The following SGSM1 variants were observed in gnomAD, a reference collection of about 807,000 sequenced individuals.
SGSM1 encodes the protein small G protein signaling modulator 1.
Under a neutral mutation model 133.8 loss-of-function variants are expected in SGSM1, and 73 were observed. The ratio of observed to expected loss-of-function variants is 0.55; its 90% CI spans 0.45 to 0.66. The LOEUF (loss-of-function observed/expected upper bound fraction) is 0.66. Among genes scored for constraint, SGSM1 ranks in the 30% least tolerant of loss-of-function variants. The pLI is 0.00. For missense variants in SGSM1, 1,213 were observed against 1,448.1 expected (o/e 0.84, Z 2.64); for synonymous variants, 563 against 573.0 (o/e 0.98, Z 0.25).
intron 2 of SGSM1, among the ~76,000 whole-genome samples, chr22:24,834,240 G>A (rs1250849468): frequency 6.6e-6 from 1 of 152,226 alleles, no homozygotes; most frequent in African/African-American, 2.4e-5. Flanking sequence ...CCCGACTGCA[G>A]ACCACCTAAG....
intron 5 of SGSM1, 37 bp downstream of exon 5, chr22:24,850,469 C>T (rs1249332822): frequency 1.9e-6 from 3 of 1,598,424 alleles, no homozygotes; most frequent in Non-Finnish European, 2.6e-6. Flanking sequence ...CCATGCTCTG[C>T]CCCCACCTGC....
At chr22:24,857,501 T>C (rs1242687434) in intron 8 of SGSM1, among the ~76,000 whole-genome samples, 1 of 152,200 alleles carries the variant, frequency 6.6e-6, no homozygotes, top group Admixed American at 6.5e-5. Context: ...TAGCTTATGC[T>C]TTTTGAAAGA....
chr22:24,857,408 A>C (rs1930865617), intron 8 of SGSM1, among the ~76,000 whole-genome samples: 1 of 542 alleles, frequency 1.8e-3, no homozygotes, highest in Non-Finnish European at 3.2e-3. Context: ...ACTCTGTCTC[A>C]AAAAAAAAAA....
intron 18 of SGSM1, among the ~76,000 whole-genome samples, chr22:24,896,383 C>T (rs1932914235): frequency 6.6e-6 from 1 of 151,870 alleles, no homozygotes; most frequent in African/African-American, 2.4e-5. Context: ...TGAAACTAAC[C>T]ATAAATCAAG....
At chr22:24,892,379 C>T (rs763307948) in intron 16 of SGSM1, among the ~76,000 whole-genome samples, 3 of 152,156 alleles carry the variant, frequency 2.0e-5, no homozygotes, top group African/African-American at 7.2e-5. Context: ...GTCTGGCAGA[C>T]GCAGAGCCTG....
chr22:24,877,802 CTTTTTTTTTTTTT>C (rs36036968), intron 13 of SGSM1, among the ~76,000 whole-genome samples: 2 of 75,420 alleles, frequency 2.7e-5, no homozygotes, highest in African/African-American at 5.3e-5. Context: ...TTCTTTCTTT[CTTTTTTTTTTTTT>C]TTTTTTTTTT....
At chr22:24,920,752 T>G (rs1422682180) in intron 24 of SGSM1, among the ~76,000 whole-genome samples, 1 of 152,244 alleles carries the variant, frequency 6.6e-6, no homozygotes, top group Non-Finnish European at 1.5e-5. Context: ...GTAAACTTTT[T>G]GGGGGAATAA....
At chr22:24,855,933 C>A in intron 8 of SGSM1, 1 of 663,834 alleles carries the variant, frequency 1.5e-6, no homozygotes, top group Non-Finnish European at 2.7e-6. Context: ...ATCCACCCAT[C>A]TTTACATCCA....
At chr22:24,896,427 C>T (rs1367147080) in intron 18 of SGSM1, among the ~76,000 whole-genome samples, 2 of 152,136 alleles carry the variant, frequency 1.3e-5, no homozygotes, top group East Asian at 3.9e-4. Context: ...AGAAATATTT[C>T]AGGTGACTTT....
At position 24,806,262 on chromosome 22, in the gene SGSM1, G is replaced by A. The variant is rs986202084; in HGVS notation, c.-64G>A. On this transcript the variant is annotated 5_prime_UTR_variant, in exon 1 of 25. Coordinates refer to ENST00000400358, the MANE Select transcript of SGSM1 (RefSeq NM_001098497.3). ...CGGCTGCAGCAGCAGCGCCGCGGCC[G>A]GAGGAGCTACCGCCGCCACCGCCGC... 7.3e-6 allele frequency: 10 copies of A among 1,367,748 alleles called. No individual in the cohort carries two copies. Among genetic ancestry groups the A allele is most frequent in the South Asian group, 1.7e-5 (1 of 58,306 alleles). The allele number at this position is 1,367,748 out of a possible 1,614,324, so 84.7% of individuals were successfully genotyped here. A position where few individuals can be genotyped will look rare whatever the true frequency, so the allele number is the denominator to read the frequency against.
chr22:24,892,359 G>A (rs1371219748), intron 16 of SGSM1, among the ~76,000 whole-genome samples: 4 of 152,134 alleles, frequency 2.6e-5, no homozygotes, highest in African/African-American at 4.8e-5. Flanking sequence ...CGTCCCCGTG[G>A]TGCCCAGAGG....
chr22:24,807,909 G>GTGTCTC (rs1927504839), intron 2 of SGSM1, among the ~76,000 whole-genome samples: 2 of 151,810 alleles, frequency 1.3e-5, no homozygotes, highest in Non-Finnish European at 2.9e-5. Flanking sequence ...GTGTGTGTGT[G>GTGTCTC]TGTCTCTGTG....
chr22:24,893,386 G>A (rs1200808525), intron 16 of SGSM1, 45 bp from the exon 17 acceptor site: 7 of 1,601,374 alleles, frequency 4.4e-6, no homozygotes, highest in East Asian at 2.2e-5. Context: ...CTCCCCAGGC[G>A]CCCCTTTGTT....
chr22:24,841,040 C>G (rs528113208), intron 2 of SGSM1, among the ~76,000 whole-genome samples: 10 of 151,950 alleles, frequency 6.6e-5, no homozygotes, highest in Non-Finnish European at 1.0e-4. Context: ...TTAGTAGAGA[C>G]GGGGTTTCAC....
chr22:24,919,234 C>T (rs1482702691), intron 23 of SGSM1, among the ~76,000 whole-genome samples: 2 of 150,726 alleles, frequency 1.3e-5, no homozygotes, highest in South Asian at 2.1e-4. Flanking sequence ...TATTTTTAGT[C>T]GAGATGGGGG....
At chr22:24,839,688 ATTTC>A (rs1341193681) in intron 2 of SGSM1, among the ~76,000 whole-genome samples, 1 of 152,044 alleles carries the variant, frequency 6.6e-6, no homozygotes, top group Non-Finnish European at 1.5e-5. Flanking sequence ...AAAATTTTCT[ATTTC>A]TTCATGATTT....
At chr22:24,822,228 C>T (rs1278268661) in intron 2 of SGSM1, among the ~76,000 whole-genome samples, 1 of 151,758 alleles carries the variant, frequency 6.6e-6, no homozygotes. Context: ...GTAGCTGGGA[C>T]CACAGGTGCC....
rs752083494 is a variant in SGSM1 at position 24,847,764 on chromosome 22, G to C, written c.270G>C (p.Lys90Asn). 1.2e-6 allele frequency: 2 copies of C among 1,613,956 alleles called. No individual in the cohort carries two copies. Among genetic ancestry groups the C allele is most frequent in the Non-Finnish European group, 1.7e-6 (2 of 1,179,878 alleles). The change falls in exon 4 of 25, where the codon AAG becomes AAC. Residue 90 changes from lysine (K) to asparagine (N), a missense_variant. Transcript: ENST00000400358. The stretch of plus-strand genomic sequence containing the variant: ...CGCCGGCTGAGGATCTGAGCCGCAA[G>C]GTGCAAGACCTGGAGCAGCTGATCG... ...NFPPAEDLSRKVQDLEQLIES... is the reference protein window; with the variant it reads ...NFPPAEDLSRNVQDLEQLIES...
intron 2 of SGSM1, among the ~76,000 whole-genome samples, chr22:24,837,528 C>G (rs1043468058): frequency 6.7e-6 from 1 of 148,578 alleles, no homozygotes; most frequent in Non-Finnish European, 1.5e-5. Context: ...AGGCCCTCCA[C>G]AAGAGGTGGA....
Sources: allele counts gnomAD v4.1 joint callset (sites outside exome capture counted in the v4.1 genomes callset), GRCh38; gene constraint gnomAD v4.1.1; transcripts MANE v1.5; gene names NCBI Gene and HGNC (gene_info 2026-07-23, HGNC 2026-07-21).